ANO10: variants seen among roughly 807,000 people sequenced by gnomAD.
ANO10 encodes the protein anoctamin 10, also known as anoctamin-10.
ANO10 carries 77 observed loss-of-function variants against 74.7 expected under a neutral mutation model. That is an observed-to-expected ratio of 1.03 (90% CI 0.86 to 1.25). ANO10 has a LOEUF of 1.25. Ranked by LOEUF, ANO10 falls within the 50% of genes most tolerant of loss-of-function variation. The pLI is 0.00. For missense variants in ANO10, 721 were observed against 778.1 expected (o/e 0.93, Z 0.87); for synonymous variants, 279 against 284.9 (o/e 0.98, Z 0.21).
chr3:43,396,049 G>A (rs2092372367), intron 12 of ANO10, among the ~76,000 whole-genome samples: 1 of 151,686 alleles, frequency 6.6e-6, no homozygotes, highest in African/African-American at 2.4e-5. Context: ...TTTCTATTCT[G>A]AATGCCTTTT....
chr3:43,483,916 G>A (rs1171595126), intron 11 of ANO10, among the ~76,000 whole-genome samples: 2 of 152,138 alleles, frequency 1.3e-5, no homozygotes, highest in African/African-American at 4.8e-5. Flanking sequence ...TTAAGTTAAG[G>A]AGGGCTGTGG....
intron 11 of ANO10, among the ~76,000 whole-genome samples, chr3:43,511,178 A>G (rs1460903875): frequency 1.3e-5 from 2 of 152,236 alleles, no homozygotes; most frequent in Non-Finnish European, 2.9e-5. Flanking sequence ...GGACTGCAAC[A>G]TGCACAAAAT....
rs956534878 is a variant in ANO10 at position 43,533,181 on chromosome 3, C to T, written c.1797+16539G>A. On this transcript the variant is annotated intron_variant, in intron 11 of 12. Transcript: ENST00000292246. ...TGTCAAGTGAAACCAAGAAAGCTGA[C>T]GGATATGTAAGGGTTGGAGAGAAAA... Among the ~76,000 whole-genome samples the T allele has an allele frequency of 6.6e-5, 10 of 152,050 alleles. 1 individual carries two copies. The highest frequency in any genetic ancestry group is 4.1e-4 in the South Asian group (2 of 4,830).
chr3:43,408,746 T>C (rs1414551233), intron 12 of ANO10, among the ~76,000 whole-genome samples: 3 of 152,180 alleles, frequency 2.0e-5, no homozygotes, highest in East Asian at 3.9e-4. Flanking sequence ...AGTGTTTACC[T>C]TGGCCAGGCA....
At chr3:43,499,585 A>G (rs1294950538) in intron 11 of ANO10, among the ~76,000 whole-genome samples, 1 of 152,022 alleles carries the variant, frequency 6.6e-6, no homozygotes, top group East Asian at 1.9e-4. Context: ...ACTTCCCACT[A>G]TTATTCTTTC....
intron 10 of ANO10, 127 bp downstream of exon 10, chr3:43,555,151 G>T: frequency 1.0e-6 from 1 of 961,486 alleles, no homozygotes; most frequent in South Asian, 1.5e-5. Flanking sequence ...CAGCTAGTTT[G>T]TAGCCAAACA....
intron 2 of ANO10, among the ~76,000 whole-genome samples, chr3:43,605,066 A>AT (rs2082498636): frequency 1.3e-5 from 2 of 152,118 alleles, no homozygotes; most frequent in Admixed American, 1.3e-4. Flanking sequence ...CATGTAAAAC[A>AT]CTAAAACACC....
intron 3 of ANO10, among the ~76,000 whole-genome samples, chr3:43,599,899 C>G (rs547643058): frequency 6.6e-6 from 1 of 150,452 alleles, no homozygotes; most frequent in African/African-American, 2.4e-5. Flanking sequence ...GAGCGAGACT[C>G]TGTCTCAAAA....
At position 43,600,439 on chromosome 3, in the gene ANO10, A is replaced by G. The variant is rs1239173284; in HGVS notation, c.282T>C (p.Asp94=). 6.2e-7 allele frequency: 1 copy of G among 1,614,144 alleles called. No individual in the cohort carries two copies. The highest frequency in any genetic ancestry group is 8.5e-7 in the Non-Finnish European group (1 of 1,180,006). ...EAVGLVKECN[D]NTMRAFTYRT... is the part of the protein sequence containing the mutation. ...TGTATGTGAAGGCTCTCATGGTGTT[A>G]TCATTGCACTCTTTTACCAATCCCA... The change falls in exon 3 of 13, where the codon GAT becomes GAC. Residue 94 remains aspartate, a synonymous_variant. Coordinates refer to ENST00000292246, the MANE Select transcript of ANO10 (RefSeq NM_018075.5).
intron 11 of ANO10, among the ~76,000 whole-genome samples, chr3:43,495,093 G>C (rs1050583887): frequency 1.3e-5 from 2 of 151,874 alleles, no homozygotes; most frequent in Admixed American, 1.3e-4. Context: ...TGAAATAGAA[G>C]AGAATCTCAA....
At chr3:43,563,204 T>C (rs1387906998) in intron 8 of ANO10, among the ~76,000 whole-genome samples, 1 of 151,896 alleles carries the variant, frequency 6.6e-6, no homozygotes, top group Admixed American at 6.6e-5. Flanking sequence ...TAGCCACAGG[T>C]ATATGAAAAA....
chr3:43,430,062 C>T (rs535501912), intron 12 of ANO10, among the ~76,000 whole-genome samples: 11 of 152,178 alleles, frequency 7.2e-5, no homozygotes, highest in African/African-American at 2.6e-4. Context: ...ATAGAACATG[C>T]GAAATGTGGT....
chr3:43,471,582 A>G (rs1157942428), intron 11 of ANO10, among the ~76,000 whole-genome samples: 3 of 152,180 alleles, frequency 2.0e-5, no homozygotes, highest in African/African-American at 7.2e-5. Context: ...TTCTAGACAC[A>G]ATTTCCAATA....
intron 12 of ANO10, among the ~76,000 whole-genome samples, chr3:43,400,702 C>T (rs1294504215): frequency 6.6e-6 from 1 of 152,048 alleles, no homozygotes; most frequent in Non-Finnish European, 1.5e-5. Flanking sequence ...ATCACTTGGG[C>T]CCGGGAGTCT....
At chr3:43,601,919 G>C (rs1370972082) in intron 2 of ANO10, among the ~76,000 whole-genome samples, 1 of 152,206 alleles carries the variant, frequency 6.6e-6, no homozygotes, top group African/African-American at 2.4e-5. Flanking sequence ...TGACCGCCAG[G>C]CTCCTGGTGC....
upstream of ANO10, among the ~76,000 whole-genome samples, chr3:43,626,998 G>A (rs2149556950): frequency 7.7e-6 from 1 of 129,158 alleles, no homozygotes; most frequent in East Asian, 2.5e-4. Context: ...CTCACTGTCA[G>A]TAAATTGTTC....
chr3:43,631,933 C>T (rs1023245987), intron 1 of ANO10, among the ~76,000 whole-genome samples: 1 of 151,528 alleles, frequency 6.6e-6, no homozygotes, highest in Non-Finnish European at 1.5e-5. Context: ...AAATATAGAG[C>T]GTGGTGGTGG....
chr3:43,529,956 G>A (rs1575352598), intron 11 of ANO10, among the ~76,000 whole-genome samples: 2 of 152,040 alleles, frequency 1.3e-5, no homozygotes. Context: ...ATGCAAATGA[G>A]CTTAAGACAC....
intron 11 of ANO10, among the ~76,000 whole-genome samples, chr3:43,450,596 CAG>C (rs1210355845): frequency 6.6e-6 from 1 of 152,144 alleles, no homozygotes; most frequent in Non-Finnish European, 1.5e-5. Context: ...TTATATGTCT[CAG>C]ATAATTCCCT....
Sources: gnomAD v4.1 joint callset for allele counts (sites outside exome capture counted in the v4.1 genomes callset) on GRCh38, gnomAD v4.1.1 for gene constraint, MANE v1.5 for transcripts, NCBI Gene and HGNC (gene_info 2026-07-23, HGNC 2026-07-21) for gene names.